Variants in RBFOX1 observed in about 807,000 individuals in gnomAD.
RBFOX1 encodes RNA binding protein fox-1 homolog 1.
A neutral mutation model predicts 57.7 loss-of-function variants in RBFOX1; 8 were observed. The observed-to-expected ratio is 0.14, with a 90% confidence interval of 0.08 to 0.25. The LOEUF is 0.25. Ranked by LOEUF, RBFOX1 falls within the 10% of genes least tolerant of loss-of-function variation. The pLI, the probability that RBFOX1 is intolerant of heterozygous loss-of-function variation, is 1.00. For synonymous variants in RBFOX1, 326 were observed against 222.4 expected (o/e 1.47, Z -4.15); for missense variants, 611 against 548.5 (o/e 1.11, Z -1.14).
At chr16:6,974,548 T>C (rs998012680) in intron 3 of RBFOX1, among the ~76,000 whole-genome samples, 2 of 151,950 alleles carry the variant, frequency 1.3e-5, no homozygotes, top group African/African-American at 2.4e-5. Context: ...TTTCATCATA[T>C]TGGCCAGGCT....
intron 3 of RBFOX1, among the ~76,000 whole-genome samples, chr16:6,990,543 G>C (rs144801441): frequency 7.0e-4 from 106 of 152,058 alleles, no homozygotes; most frequent in East Asian, 6.6e-3. Context: ...TAAAAATTCT[G>C]TTAGTATTCA....
At chr16:6,823,875 G>A (rs966233745) in intron 3 of RBFOX1, among the ~76,000 whole-genome samples, 2 of 152,116 alleles carry the variant, frequency 1.3e-5, no homozygotes, top group African/African-American at 4.8e-5. Context: ...GGGTTGAGGG[G>A]ATTACAGATT....
chr16:7,337,719 C>G (rs988462657), intron 4 of RBFOX1, among the ~76,000 whole-genome samples: 4 of 152,224 alleles, frequency 2.6e-5, no homozygotes, highest in Non-Finnish European at 4.4e-5. Context: ...GAGTCTCACT[C>G]TGTCACCCAG....
intron 3 of RBFOX1, among the ~76,000 whole-genome samples, chr16:5,748,060 T>C (rs1178357712): frequency 1.3e-5 from 2 of 152,210 alleles, no homozygotes; most frequent in Admixed American, 6.6e-5. Flanking sequence ...GTCCCAGATA[T>C]TCTGGTATGT....
chr16:7,524,612 C>T (rs1250033311), intron 5 of RBFOX1, among the ~76,000 whole-genome samples: 1 of 152,184 alleles, frequency 6.6e-6, no homozygotes, highest in Admixed American at 6.5e-5. Context: ...TTCCCACTAG[C>T]TCTAGGCCCT....
intron 4 of RBFOX1, among the ~76,000 whole-genome samples, chr16:5,999,812 G>T (rs1305304656): frequency 8.8e-6 from 1 of 113,650 alleles, no homozygotes; most frequent in Non-Finnish European, 1.8e-5. Flanking sequence ...GGTGAGCAGA[G>T]ATCGCAGATC....
intron 3 of RBFOX1, among the ~76,000 whole-genome samples, chr16:6,752,081 C>A (rs958572496): frequency 1.3e-5 from 2 of 152,102 alleles, no homozygotes; most frequent in African/African-American, 4.8e-5. Context: ...TCCTGCTGGG[C>A]GTCCATCTAC....
chr16:6,061,891 T>G (rs970427624), intron 1 of RBFOX1, among the ~76,000 whole-genome samples: 4 of 152,086 alleles, frequency 2.6e-5, no homozygotes, highest in Non-Finnish European at 4.4e-5. Flanking sequence ...TCCCACAGAT[T>G]AAGGATTCTG....
chr16:6,701,069 G>C (rs910899661), intron 3 of RBFOX1, among the ~76,000 whole-genome samples: 2 of 152,062 alleles, frequency 1.3e-5, no homozygotes, highest in African/African-American at 4.8e-5. Flanking sequence ...TGTGAGCCTG[G>C]AAAGCCTCAG....
chr16:6,894,169 C>A lies in RBFOX1; in HGVS notation c.-15-157888C>A, dbSNP rs141182845. On this transcript the variant is annotated intron_variant, in intron 3 of 15. Coordinates refer to ENST00000550418, the MANE Select transcript of RBFOX1 (RefSeq NM_018723.4). ...TCTATAATTGCTACCTATCTCTTGT[C>A]TGTCTGTCTGTCCTTTTTATTCAAA... 7.9e-5 allele frequency among the ~76,000 whole-genome samples: 12 copies of A among 152,190 alleles called. 1 individual carries two copies. The South Asian group carries it at 1.9e-3, about 24-fold the overall frequency.
intron 5 of RBFOX1, among the ~76,000 whole-genome samples, chr16:7,520,555 C>A (rs558611915): frequency 6.6e-6 from 1 of 152,282 alleles, no homozygotes; most frequent in East Asian, 1.9e-4. Context: ...TATGGATAGA[C>A]CGTGTTTATT....
intron 4 of RBFOX1, among the ~76,000 whole-genome samples, chr16:7,379,716 T>A (rs547096236): frequency 2.0e-5 from 3 of 151,432 alleles, no homozygotes; most frequent in Non-Finnish European, 4.4e-5. Context: ...CTACAGGAAT[T>A]CCTTCCTTCC....
intron 4 of RBFOX1, among the ~76,000 whole-genome samples, chr16:5,938,900 G>C (rs539626550): frequency 5.3e-5 from 8 of 152,146 alleles, no homozygotes; most frequent in Non-Finnish European, 1.2e-4. Flanking sequence ...TAAATTTTGG[G>C]ATGGCTATTA....
chr16:7,234,921 G>T (rs752666231), intron 4 of RBFOX1, among the ~76,000 whole-genome samples: 2 of 152,042 alleles, frequency 1.3e-5, no homozygotes, highest in Non-Finnish European at 2.9e-5. Context: ...TCCATTTTCA[G>T]AGACTTACTG....
At chr16:5,287,507 T>C (rs1779516239) in intron 1 of RBFOX1, among the ~76,000 whole-genome samples, 1 of 152,232 alleles carries the variant, frequency 6.6e-6, no homozygotes, top group Non-Finnish European at 1.5e-5. Flanking sequence ...CCGTTAGTTG[T>C]TGTCAGAAAA....
At chr16:5,931,127 C>T (rs2059046474) in intron 4 of RBFOX1, among the ~76,000 whole-genome samples, 1 of 152,128 alleles carries the variant, frequency 6.6e-6, no homozygotes, top group African/African-American at 2.4e-5. Flanking sequence ...GCTCTCTGCA[C>T]GTAGGGCTAT....
intron 3 of RBFOX1, among the ~76,000 whole-genome samples, chr16:6,682,101 T>C (rs1390372291): frequency 6.6e-6 from 1 of 152,236 alleles, no homozygotes; most frequent in African/African-American, 2.4e-5. Flanking sequence ...ACGATTCTTT[T>C]AAAGTTCTTC....
At chr16:6,581,302 C>T (rs1457027525) in intron 2 of RBFOX1, among the ~76,000 whole-genome samples, 1 of 152,132 alleles carries the variant, frequency 6.6e-6, no homozygotes, top group Admixed American at 6.5e-5. Flanking sequence ...TTTGCTTTTT[C>T]GATGATCCCT....
rs1450511025 is a variant in RBFOX1 at position 6,654,730 on chromosome 16, C to T, written c.-16+80C>T. 7 of 1,076,838 alleles carry T rather than the reference C, an allele frequency of 6.5e-6. No homozygotes were observed. In the Admixed American group the frequency reaches 9.2e-5, roughly 14 times the overall value. The allele number at this position is 1,076,838 out of a possible 1,614,324, so 66.7% of individuals were successfully genotyped here. On this transcript the variant is annotated intron_variant, in intron 3 of 15. Transcript: ENST00000550418. ...TTGAACCCAGGTGTTTAAGGCATGCCCCTCTCGATGATGGTTTTTAGGTGA... is the reference window on the plus strand; with the variant it reads ...TTGAACCCAGGTGTTTAAGGCATGCTCCTCTCGATGATGGTTTTTAGGTGA...
Sources: allele counts gnomAD v4.1 joint callset (sites outside exome capture counted in the v4.1 genomes callset), GRCh38; gene constraint gnomAD v4.1.1; transcripts MANE v1.5; gene names NCBI Gene and HGNC (gene_info 2026-07-23, HGNC 2026-07-21).